Variants in PLPP4 observed in about 807,000 individuals in gnomAD.
PLPP4 encodes diacylglycerol pyrophosphate like 2.
Under a neutral mutation model 32.2 loss-of-function variants are expected in PLPP4, and 20 were observed. The ratio of observed to expected loss-of-function variants is 0.62; its 90% CI spans 0.44 to 0.90. The LOEUF (loss-of-function observed/expected upper bound fraction) is 0.90. PLPP4 is among the 40% of genes least tolerant of loss of function. The pLI is 0.00. For synonymous variants in PLPP4, 127 were observed against 133.0 expected, an observed-to-expected ratio of 0.95 and a Z score of 0.31; for missense variants, 257 against 353.1, an observed-to-expected ratio of 0.73 and a Z score of 2.18.
At chr10:120,580,979 C>T in intron 6 of PLPP4, 1 of 1,289,288 alleles carries the variant, frequency 7.8e-7, no homozygotes, top group Non-Finnish European at 1.0e-6. Context: ...ACCTCTGAAC[C>T]TTGACTGCCC....
rs760388149 is a variant in PLPP4 at position 120,513,950 on chromosome 10, G to A, written c.205G>A (p.Val69Met). Residue 69 changes from valine to methionine, a missense_variant, in exon 3 of 7, where the codon GTG becomes ATG. Physicochemically the swap from Val to Met is conservative, Grantham distance 21. Transcript: ENST00000398250. ...CACACCCCTGGCTGTTATTTGTGTG[G>A]TGAAAATTATCCGGCGAACAGACAA... ...FLTPLAVICV[V>M]KIIRRTDKTE... 1.4e-5 allele frequency: 22 copies of A among 1,614,022 alleles called. No individual in the cohort carries two copies. The highest frequency in any genetic ancestry group is 1.1e-5 in the South Asian group (1 of 91,018).
intron 3 of PLPP4, among the ~76,000 whole-genome samples, chr10:120,517,619 G>A (rs1845983960): frequency 6.6e-6 from 1 of 152,138 alleles, no homozygotes; most frequent in South Asian, 2.1e-4. Flanking sequence ...CTCAGATATG[G>A]CCAGTTGCCC....
chr10:120,586,043 C>T (rs1181954472), intron 6 of PLPP4, among the ~76,000 whole-genome samples: 3 of 152,138 alleles, frequency 2.0e-5, no homozygotes, highest in Non-Finnish European at 4.4e-5. Context: ...CTCCCATTGA[C>T]TAGTTAGAAT....
At position 120,468,269 on chromosome 10, in the gene PLPP4, C is replaced by T. The variant is rs547731013; in HGVS notation, c.56+10908C>T. On this transcript the variant is annotated intron_variant, in intron 1 of 6. Transcript: ENST00000398250. Reference sequence around the variant, plus strand: ...GCAATGCAAGATATGGATCTGAAAACGACAAAATAACAATGAGTATACATT... The same window carrying T: ...GCAATGCAAGATATGGATCTGAAAATGACAAAATAACAATGAGTATACATT... Among the ~76,000 whole-genome samples the T allele has an allele frequency of 1.2e-3, 75 of 64,760 alleles. 34 individuals carry two copies. The highest frequency in any genetic ancestry group is 9.3e-3 in the South Asian group (14 of 1,508). The allele number at this position is 64,760 out of a possible 152,430, so 42.5% of individuals were successfully genotyped here.
rs113880258 is a variant in PLPP4 at position 120,554,237 on chromosome 10, G to A, written c.446-20894G>A. Among the ~76,000 whole-genome samples, 1,297 of 152,164 alleles carry A rather than the reference G, an allele frequency of 8.5e-3. 23 individuals are homozygous for A. The highest frequency in any genetic ancestry group is 0.029 in the African/African-American group (1,223 of 41,490). ...TGATCACTCTCAAGTTCAAAGTTCC[G>A]CAGATCCCTAGAGCAGGGGCACAAG... is the stretch of plus-strand genomic sequence containing the variant. On this transcript the variant is annotated intron_variant, in intron 5 of 6. Coordinates refer to ENST00000398250, the MANE Select transcript of PLPP4 (RefSeq NM_001030059.3).
At chr10:120,466,100 C>G (rs1459703798) in intron 1 of PLPP4, among the ~76,000 whole-genome samples, 1 of 152,054 alleles carries the variant, frequency 6.6e-6, no homozygotes, top group African/African-American at 2.4e-5. Context: ...GCCTCTCTGT[C>G]CAGCTATACC....
intron 1 of PLPP4, among the ~76,000 whole-genome samples, chr10:120,463,657 C>T (rs138652857): frequency 0.031 from 4,777 of 152,204 alleles, 105 homozygotes; most frequent in Middle Eastern, 0.13. Flanking sequence ...TGGCCTTTGG[C>T]GTCAGGTTAC....
Position 120,457,663 on chromosome 10 carries a change from C to A in PLPP4, c.56+302C>A, listed in dbSNP as rs961609782. 7.2e-5 allele frequency among the ~76,000 whole-genome samples: 11 copies of A among 152,200 alleles called. No individual in the cohort carries two copies. The East Asian group carries it at 1.9e-3, about 27-fold the overall frequency. ...CCTGCCCGGGGGATCCAGGGCTGCA[C>A]CTCTAAACAGGGACGCGCACCCTGG... On this transcript the variant is annotated intron_variant, in intron 1 of 6. Transcript: ENST00000398250.
Position 120,589,420 on chromosome 10 carries a change from C to G in PLPP4, c.734C>G (p.Ala245Gly). ...CCCTACGTTAGTCTGCGAGTCCCAG[C>G]CTCACTGAAGAAAGAGGAGAGGCCC... ...HKPYVSLRVP[A>G]SLKKEERPTA... Residue 245 changes from alanine to glycine, a missense_variant, in exon 7 of 7, where the codon GCC (alanine) becomes GGC (glycine). By Grantham distance (60) the Ala-to-Gly change is moderately conservative. Transcript: ENST00000398250. 3 of 1,614,080 alleles carry G rather than the reference C, an allele frequency of 1.9e-6. No individual in the cohort carries two copies. The Middle Eastern group carries it at 4.9e-4, about 266-fold the overall frequency.
chr10:120,581,028 G>C (rs1849483724), intron 6 of PLPP4: 1 of 1,289,046 alleles, frequency 7.8e-7, no homozygotes, highest in Non-Finnish European at 1.0e-6. Context: ...GCCTAGGAGA[G>C]CGTAAGAAGC....
intron 1 of PLPP4, among the ~76,000 whole-genome samples, chr10:120,489,652 G>C (rs111804237): frequency 7.9e-5 from 12 of 152,134 alleles, no homozygotes; most frequent in African/African-American, 1.4e-4. Flanking sequence ...CAGACTCAAG[G>C]TTGCCAGATC....
At chr10:120,560,480 C>T (rs865961032) in intron 5 of PLPP4, among the ~76,000 whole-genome samples, 7 of 152,270 alleles carry the variant, frequency 4.6e-5, no homozygotes, top group Middle Eastern at 3.4e-3. Flanking sequence ...GCAGACTGGG[C>T]GCAGTGGCTC....
intron 2 of PLPP4, among the ~76,000 whole-genome samples, chr10:120,511,092 T>C (rs190519681): frequency 1.3e-5 from 2 of 152,326 alleles, no homozygotes; most frequent in Admixed American, 1.3e-4. Flanking sequence ...CTAGAAAAGA[T>C]ACCAATATGC....
At chr10:120,515,895 G>T (rs1451617160) in intron 3 of PLPP4, among the ~76,000 whole-genome samples, 2 of 152,206 alleles carry the variant, frequency 1.3e-5, no homozygotes, top group African/African-American at 4.8e-5. Flanking sequence ...CTCACTGACG[G>T]CTGGCTTTTG....
chr10:120,582,911 C>T (rs1201217358), intron 6 of PLPP4, among the ~76,000 whole-genome samples: 3 of 151,604 alleles, frequency 2.0e-5, no homozygotes, highest in Non-Finnish European at 4.4e-5. Context: ...CTGCTGTCCT[C>T]TCAGCTTATA....
intron 1 of PLPP4, among the ~76,000 whole-genome samples, chr10:120,466,337 G>C (rs1185588568): frequency 6.6e-6 from 1 of 151,998 alleles, no homozygotes; most frequent in Non-Finnish European, 1.5e-5. Context: ...ACCAATAGCA[G>C]CATTGCACTT....
chr10:120,533,661 A>G (rs1483939845), intron 5 of PLPP4, among the ~76,000 whole-genome samples: 1 of 152,134 alleles, frequency 6.6e-6, no homozygotes, highest in Non-Finnish European at 1.5e-5. Flanking sequence ...TTATTACTGT[A>G]CATATTGTAT....
At chr10:120,558,467 G>C (rs1848266252) in intron 5 of PLPP4, among the ~76,000 whole-genome samples, 1 of 145,692 alleles carries the variant, frequency 6.9e-6, no homozygotes, top group African/African-American at 2.5e-5. Context: ...GGAGTGCAGT[G>C]GTACAATCTC....
chr10:120,550,200 TA>T (rs1279501643), intron 5 of PLPP4, among the ~76,000 whole-genome samples: 10 of 151,952 alleles, frequency 6.6e-5, no homozygotes, highest in Admixed American at 6.6e-4. Context: ...TAGAGACTTT[TA>T]AAGTACCATT....
Sources: allele counts gnomAD v4.1 joint callset (sites outside exome capture counted in the v4.1 genomes callset), GRCh38; gene constraint gnomAD v4.1.1; transcripts MANE v1.5; gene names NCBI Gene and HGNC (gene_info 2026-07-23, HGNC 2026-07-21).